CRYBB2: variants seen among roughly 807,000 people sequenced by gnomAD.
The protein encoded by CRYBB2 is crystallin beta B2.
CRYBB2 carries 12 observed loss-of-function variants against 24.3 expected under a neutral mutation model. That is an observed-to-expected ratio of 0.49 (90% confidence interval 0.32 to 0.80). The LOEUF is 0.80. CRYBB2 is among the 30% of genes least tolerant of loss of function. The pLI is 0.04. For synonymous variants in CRYBB2, 98 were observed against 101.6 expected (o/e 0.96, Z 0.21); for missense variants, 198 against 268.5 (o/e 0.74, Z 1.83).
At chr22:25,228,054 G>C (rs1935454025) in intron 4 of CRYBB2, 69 bp downstream of exon 4, 2 of 1,608,872 alleles carry the variant, frequency 1.2e-6, no homozygotes, top group Non-Finnish European at 1.7e-6. Flanking sequence ...CTGCCACCTT[G>C]GAGCTGGAGG....
intron 3 of CRYBB2, 63 bp downstream of exon 3, chr22:25,225,099 G>A: frequency 3.3e-6 from 3 of 906,380 alleles, no homozygotes; most frequent in East Asian, 2.4e-5. Flanking sequence ...GTTGTGGAGT[G>A]GGGGAATCTA....
At chr22:25,224,114 A>C in intron 2 of CRYBB2, among the ~76,000 whole-genome samples, 1 of 137,052 alleles carries the variant, frequency 7.3e-6, no homozygotes, top group South Asian at 2.3e-4. Flanking sequence ...ACAGAGTGAG[A>C]CTCCGTCTCA....
At chr22:25,218,818 G>GAAAGA (rs1271945783), upstream of CRYBB2, among the ~76,000 whole-genome samples, 2 of 65,310 alleles carry the variant, frequency 3.1e-5, no homozygotes, top group African/African-American at 8.1e-5. Flanking sequence ...AAGAAAGAAA[G>GAAAGA]AAAGAAAGAA....
chr22:25,221,545 G>A (rs1326758572), intron 2 of CRYBB2, 62 bp downstream of exon 2: 3 of 1,310,710 alleles, frequency 2.3e-6, no homozygotes, highest in Non-Finnish European at 3.3e-6. Flanking sequence ...TTGCCCTTCT[G>A]TAAAATGGGC....
chr22:25,226,204 G>A (rs181873258), intron 3 of CRYBB2, among the ~76,000 whole-genome samples: 1 of 129,868 alleles, frequency 7.7e-6, no homozygotes, highest in Admixed American at 8.0e-5. Flanking sequence ...GTGTGTGTGT[G>A]TGTATAATCA....
At chr22:25,215,917 A>G (rs1935163327), upstream of CRYBB2, among the ~76,000 whole-genome samples, 1 of 152,222 alleles carries the variant, frequency 6.6e-6, no homozygotes, top group African/African-American at 2.4e-5. Flanking sequence ...GCCTAGTCCT[A>G]CTACTCACTA....
At chr22:25,231,036 T>C (rs1294813682) in intron 5 of CRYBB2, among the ~76,000 whole-genome samples, 6 of 152,198 alleles carry the variant, frequency 3.9e-5, no homozygotes, top group African/African-American at 1.4e-4. Flanking sequence ...AATGCAGAGA[T>C]GTGGGAGCAT....
At chr22:25,222,162 C>A (rs1935332791) in intron 2 of CRYBB2, among the ~76,000 whole-genome samples, 1 of 152,194 alleles carries the variant, frequency 6.6e-6, no homozygotes, top group Admixed American at 6.5e-5. Context: ...TTTGGTAGCC[C>A]CGGGCACAGG....
upstream of CRYBB2, among the ~76,000 whole-genome samples, chr22:25,212,014 A>G (rs1935112469): frequency 6.6e-6 from 1 of 152,216 alleles, no homozygotes; most frequent in Non-Finnish European, 1.5e-5. Context: ...GGAGATAATA[A>G]TGCTACCTAT....
intron 3 of CRYBB2, among the ~76,000 whole-genome samples, chr22:25,226,077 GA>G (rs1332047659): frequency 6.6e-6 from 1 of 151,798 alleles, no homozygotes; most frequent in East Asian, 1.9e-4. Context: ...TTAAAACTAA[GA>G]AGATATGGTT....
chr22:25,218,700 GA>G (rs1569015761), upstream of CRYBB2, among the ~76,000 whole-genome samples: 211 of 49,612 alleles, frequency 4.3e-3, 3 homozygotes, highest in South Asian at 0.011. Flanking sequence ...AAGAGAGAGA[GA>G]GAGGGGGAGA....
At chr22:25,214,839 A>T (rs1935146880), upstream of CRYBB2, among the ~76,000 whole-genome samples, 1 of 152,188 alleles carries the variant, frequency 6.6e-6, no homozygotes, top group African/African-American at 2.4e-5. Context: ...TCCCAGCTCT[A>T]CCACTTCGTG....
rs562402864 is a variant in CRYBB2, at chr22:25,228,515, G to A, written c.306+530G>A. ...TTCTGAGATCCTGATTCTTACTAGTGTGTGAGAGTGTCAACTCTCAGGAAG... is the reference window on the plus strand; with the variant it reads ...TTCTGAGATCCTGATTCTTACTAGTATGTGAGAGTGTCAACTCTCAGGAAG... On this transcript the variant is annotated intron_variant, in intron 4 of 5. Coordinates refer to ENST00000398215, the MANE Select transcript of CRYBB2 (RefSeq NM_000496.3). Among the ~76,000 whole-genome samples, 82 of 151,906 alleles carry A rather than the reference G, an allele frequency of 5.4e-4. No individual in the cohort carries two copies. In the East Asian group the frequency reaches 0.016, roughly 29 times the overall value.
At chr22:25,213,716 T>C (rs1459612748) in intron 1 of CRYBB2, 1 of 152,194 alleles carries the variant, frequency 6.6e-6, no homozygotes, top group Non-Finnish European at 1.5e-5. Flanking sequence ...GATAACCCGC[T>C]CACTAATATA....
At chr22:25,221,612 G>A (rs760917025) in intron 2 of CRYBB2, 129 bp downstream of exon 2, 56 of 695,926 alleles carry the variant, frequency 8.0e-5, no homozygotes, top group South Asian at 2.1e-4. Flanking sequence ...CTGGGACTCA[G>A]TCTCCTCTAC....
At chr22:25,224,796 G>T (rs1337611903) in intron 2 of CRYBB2, 122 bp from the exon 3 acceptor site, 1 of 771,028 alleles carries the variant, frequency 1.3e-6, no homozygotes, top group Non-Finnish European at 2.4e-6. Context: ...TGTTTGATTT[G>T]TCACTCTGGA....
intron 1 of CRYBB2, 138 bp from the exon 2 acceptor site, chr22:25,221,266 C>A: frequency 1.5e-6 from 1 of 673,522 alleles, no homozygotes. Flanking sequence ...TGCTTACGGA[C>A]CCCACAGCTC....
At chr22:25,227,025 C>G (rs1177645866) in intron 3 of CRYBB2, among the ~76,000 whole-genome samples, 1 of 152,186 alleles carries the variant, frequency 6.6e-6, no homozygotes. Context: ...ATTGCTGGAT[C>G]AAGACTACTC....
intron 1 of CRYBB2, among the ~76,000 whole-genome samples, chr22:25,214,592 A>G (rs547577258): frequency 7.9e-5 from 12 of 152,374 alleles, no homozygotes; most frequent in African/African-American, 2.9e-4. Context: ...CACAGATGTA[A>G]TAATAATGAA....
Sources: gnomAD v4.1 joint callset for allele counts (sites outside exome capture counted in the v4.1 genomes callset) on GRCh38, gnomAD v4.1.1 for gene constraint, MANE v1.5 for transcripts, NCBI Gene and HGNC (gene_info 2026-07-23, HGNC 2026-07-21) for gene names.